SVIL: variants seen among roughly 807,000 people sequenced by gnomAD.
SVIL encodes supervillin.
In SVIL, 101 loss-of-function variants were observed where a neutral mutation model predicts 240.4. The ratio of observed to expected loss-of-function variants is 0.42; its 90% CI spans 0.36 to 0.50. SVIL has a LOEUF of 0.50. Among genes scored for constraint, SVIL ranks in the 20% least tolerant of loss-of-function variants. SVIL has a pLI of 0.01. For missense variants in SVIL, 2,512 were observed against 2,818.7 expected (o/e 0.89, Z 2.46); for synonymous variants, 999 against 1,100.0 (o/e 0.91, Z 1.82).
At chr10:29,481,276 T>C (rs1031054823) in intron 28 of SVIL, among the ~76,000 whole-genome samples, 6 of 151,780 alleles carry the variant, frequency 4.0e-5, no homozygotes, top group Non-Finnish European at 8.8e-5. Context: ...ATCTGTTTTA[T>C]GGGGAAGGGG....
rs757805709 is a variant in SVIL, at chr10:29,529,713, G to A, written c.2238C>T (p.Ile746=). The change falls in exon 12 of 38, where the codon ATC becomes ATT. Residue 746 remains isoleucine (I), a synonymous_variant. Transcript: ENST00000355867. ...TQPITTEEVV[I]AATEPIPASC... is the part of the protein sequence containing the mutation. ...GTCCTGTGGGCACTTACGTGGCTGC[G>A]ATGACCACCTCTTCAGTGGTGATGG... The A allele has an allele frequency of 2.5e-6, 4 of 1,605,698 alleles. No individual in the cohort carries two copies. Among genetic ancestry groups the A allele is most frequent in the South Asian group, 2.2e-5 (2 of 89,642 alleles).
At chr10:29,638,930 A>G (rs984925756), upstream of SVIL, among the ~76,000 whole-genome samples, 1 of 152,150 alleles carries the variant, frequency 6.6e-6, no homozygotes, top group African/African-American at 2.4e-5. Flanking sequence ...AACTTTTTGG[A>G]AAGGGAGGAG....
At chr10:29,717,483 C>T (rs111572201) in intron 1 of SVIL, among the ~76,000 whole-genome samples, 3 of 152,080 alleles carry the variant, frequency 2.0e-5, no homozygotes, top group African/African-American at 7.2e-5. Flanking sequence ...TCACTGAAAT[C>T]AAAAGCATTA....
chr10:29,523,400 G>C, intron 15 of SVIL, 51 bp downstream of exon 15: 1 of 1,504,138 alleles, frequency 6.6e-7, no homozygotes, highest in Non-Finnish European at 8.9e-7. Context: ...AAATCAAGCA[G>C]AAACTAAAAC....
chr10:29,477,785 G>A (rs1013835264), intron 29 of SVIL, among the ~76,000 whole-genome samples: 2 of 152,208 alleles, frequency 1.3e-5, no homozygotes, highest in Non-Finnish European at 2.9e-5. Flanking sequence ...TGCTGGAAAA[G>A]ATGTTGTTGG....
intron 13 of SVIL, among the ~76,000 whole-genome samples, chr10:29,526,305 CTTTTTTTT>C (rs36004446): frequency 2.0e-4 from 23 of 115,030 alleles, no homozygotes; most frequent in Non-Finnish European, 3.6e-4. Context: ...TTTTCTCTTT[CTTTTTTTT>C]TTTTTTTTTT....
intron 1 of SVIL, among the ~76,000 whole-genome samples, chr10:29,696,091 G>T (rs887312234): frequency 6.6e-6 from 1 of 151,842 alleles, no homozygotes; most frequent in Non-Finnish European, 1.5e-5. Flanking sequence ...GCCTGCGATT[G>T]CAGGCGCGCG....
chr10:29,458,387 G>C, intron 37 of SVIL, 47 bp downstream of exon 37: 1 of 1,594,416 alleles, frequency 6.3e-7, no homozygotes, highest in South Asian at 1.1e-5. Context: ...CCGGGCGTGC[G>C]TGTGTTGTTT....
chr10:29,610,510 C>A (rs2132872241), intron 1 of SVIL, among the ~76,000 whole-genome samples: 1 of 148,300 alleles, frequency 6.7e-6, no homozygotes, highest in East Asian at 2.0e-4. Context: ...AGTGCAGTAG[C>A]ATGGTCCTCA....
intron 1 of SVIL, among the ~76,000 whole-genome samples, chr10:29,724,864 A>C (rs1964201120): frequency 6.6e-6 from 1 of 151,992 alleles, no homozygotes. Flanking sequence ...TCCACCAAAA[A>C]TACAAAAATT....
intron 1 of SVIL, among the ~76,000 whole-genome samples, chr10:29,592,723 T>A (rs1956437023): frequency 6.6e-6 from 1 of 152,184 alleles, no homozygotes; most frequent in African/African-American, 2.4e-5. Context: ...AATCTTCTCT[T>A]GGGGTAAAAG....
rs1376462280 is a variant in SVIL, at chr10:29,529,752, C to T, written c.2199G>A (p.Arg733=). The part of the protein sequence containing the change: ...VEQRLRRLQD[R]SLTQPITTEE... ...CAGTGGTGATGGGCTGGGTGAGGGA[C>T]CTGTCCTGCAGACGGCGTAGCCTCT... Residue 733 remains arginine (R), a synonymous_variant, in exon 12 of 38, where the codon AGG becomes AGA. Coordinates refer to ENST00000355867, the MANE Select transcript of SVIL (RefSeq NM_021738.3). 6 of 1,613,616 alleles carry T rather than the reference C, an allele frequency of 3.7e-6. No homozygotes were observed. Among genetic ancestry groups the T allele is most frequent in the Non-Finnish European group, 5.1e-6 (6 of 1,179,800 alleles).
At chr10:29,539,003 A>G (rs1370125855) in intron 6 of SVIL, among the ~76,000 whole-genome samples, 6 of 152,004 alleles carry the variant, frequency 3.9e-5, no homozygotes, top group Non-Finnish European at 7.4e-5. Flanking sequence ...TCTGTATTTA[A>G]AAAATTAAAA....
intron 1 of SVIL, among the ~76,000 whole-genome samples, chr10:29,575,643 T>C (rs1443648206): frequency 6.6e-6 from 1 of 152,200 alleles, no homozygotes; most frequent in African/African-American, 2.4e-5. Context: ...ACTGGTGCTA[T>C]TCTATTGAGT....
At chr10:29,621,767 A>G (rs1957651456) in intron 1 of SVIL, among the ~76,000 whole-genome samples, 2 of 152,172 alleles carry the variant, frequency 1.3e-5, no homozygotes, top group Admixed American at 6.5e-5. Context: ...AAGAGTTCTC[A>G]TCCTCTTCTG....
intron 1 of SVIL, among the ~76,000 whole-genome samples, chr10:29,587,382 G>A (rs1956213804): frequency 6.6e-6 from 1 of 152,204 alleles, no homozygotes; most frequent in South Asian, 2.1e-4. Flanking sequence ...GCCTAATAAG[G>A]CAATCTGCAG....
chr10:29,686,500 C>T (rs1961078303), intron 2 of SVIL: 1 of 152,230 alleles, frequency 6.6e-6, no homozygotes, highest in African/African-American at 2.4e-5. Context: ...GCTGCTACTG[C>T]AGCTGAACTC....
intron 13 of SVIL, 65 bp from the exon 14 acceptor site, chr10:29,524,780 C>T (rs546225884): frequency 6.2e-5 from 98 of 1,589,964 alleles, no homozygotes; most frequent in Non-Finnish European, 8.1e-5. Flanking sequence ...TAAGTTTCTA[C>T]GTTAACTTTC....
intron 3 of SVIL, among the ~76,000 whole-genome samples, chr10:29,644,495 G>T (rs1334039016): frequency 6.6e-6 from 1 of 152,006 alleles, no homozygotes; most frequent in Non-Finnish European, 1.5e-5. Flanking sequence ...AGAGCTCTAC[G>T]TAATGGCTAT....
Sources: gnomAD v4.1 joint callset for allele counts (sites outside exome capture counted in the v4.1 genomes callset) on GRCh38, gnomAD v4.1.1 for gene constraint, MANE v1.5 for transcripts, NCBI Gene and HGNC (gene_info 2026-07-23, HGNC 2026-07-21) for gene names.